The following SLCO1A2 variants were observed in gnomAD, a reference collection of about 807,000 sequenced individuals.
SLCO1A2 encodes OATP-1.
In SLCO1A2, 67 loss-of-function variants were observed where a neutral mutation model predicts 69.0. The ratio of observed to expected loss-of-function variants is 0.97; its 90% CI spans 0.80 to 1.19. The LOEUF (loss-of-function observed/expected upper bound fraction) is 1.19, where lower values mean the gene tolerates loss of function less well. Among genes scored for constraint, SLCO1A2 ranks in the 50% most tolerant of loss-of-function variants. SLCO1A2 has a pLI of 0.00. For missense variants in SLCO1A2, 787 were observed against 793.7 expected (o/e 0.99, Z 0.10); for synonymous variants, 260 against 265.9 (o/e 0.98, Z 0.22).
At chr12:21,329,027 C>T (rs914453763) in intron 2 of SLCO1A2, among the ~76,000 whole-genome samples, 1 of 152,132 alleles carries the variant, frequency 6.6e-6, no homozygotes, top group Non-Finnish European at 1.5e-5. Context: ...AGCAATTATC[C>T]AGTCAGTTAG....
chr12:21,357,991 G>A (rs1003167549), intron 2 of SLCO1A2, among the ~76,000 whole-genome samples: 1 of 152,120 alleles, frequency 6.6e-6, no homozygotes, highest in African/African-American at 2.4e-5. Flanking sequence ...CTCAGACTTT[G>A]GTGGGTGGGT....
chr12:21,281,813 C>T (rs551207469), intron 12 of SLCO1A2, among the ~76,000 whole-genome samples: 2 of 152,054 alleles, frequency 1.3e-5, no homozygotes, highest in Admixed American at 1.3e-4. Context: ...AACTATATGC[C>T]AATAACTTGG....
intron 2 of SLCO1A2, among the ~76,000 whole-genome samples, chr12:21,369,360 T>G (rs1321109314): frequency 6.6e-6 from 1 of 152,196 alleles, no homozygotes; most frequent in Non-Finnish European, 1.5e-5. Flanking sequence ...ATGATCTCAC[T>G]GACATCGTCT....
At chr12:21,303,510 T>C (rs1044489819) in intron 6 of SLCO1A2, among the ~76,000 whole-genome samples, 4 of 152,224 alleles carry the variant, frequency 2.6e-5, no homozygotes, top group Non-Finnish European at 4.4e-5. Context: ...CCATCTTCTC[T>C]CACCCTCTTT....
intron 1 of SLCO1A2, chr12:21,378,594 T>C: frequency 1.8e-6 from 1 of 558,300 alleles, no homozygotes; most frequent in South Asian, 2.7e-5. Flanking sequence ...CTAACTAAGG[T>C]CCCATAATAA....
intron 3 of SLCO1A2, among the ~76,000 whole-genome samples, chr12:21,317,350 C>G (rs551327722): frequency 6.6e-6 from 1 of 152,278 alleles, no homozygotes; most frequent in East Asian, 1.9e-4. Flanking sequence ...TTGCTTCTCA[C>G]ATAGGCTATT....
chr12:21,404,758 G>T (rs569981150), intron 1 of SLCO1A2, among the ~76,000 whole-genome samples: 27 of 152,154 alleles, frequency 1.8e-4, no homozygotes, highest in Non-Finnish European at 3.1e-4. Flanking sequence ...ACCCACTAAA[G>T]GGATTGCTGG....
At chr12:21,372,044 G>A (rs4762821) in intron 2 of SLCO1A2, among the ~76,000 whole-genome samples, 29,796 of 151,652 alleles carry the variant, frequency 0.2, 3,099 homozygotes, top group African/African-American at 0.27. Context: ...AGAAATACAA[G>A]AAAAAGAAAA....
chr12:21,397,019 A>G (rs574988227), upstream of SLCO1A2, among the ~76,000 whole-genome samples: 5 of 151,690 alleles, frequency 3.3e-5, no homozygotes, highest in East Asian at 5.8e-4. Context: ...TTCACACATA[A>G]CAATATTAAC....
At chr12:21,289,359 A>G (rs1017324794) in intron 12 of SLCO1A2, among the ~76,000 whole-genome samples, 29 of 152,072 alleles carry the variant, frequency 1.9e-4, no homozygotes, top group African/African-American at 6.8e-4. Context: ...TGTTTTGATC[A>G]CACCTGAGTC....
chr12:21,315,954 G>A (rs1244258880), intron 3 of SLCO1A2, among the ~76,000 whole-genome samples: 1 of 152,152 alleles, frequency 6.6e-6, no homozygotes, highest in African/African-American at 2.4e-5. Context: ...TATGGAGAAT[G>A]TTGCCTGTAA....
At chr12:21,375,055 C>T (rs1262981127) in intron 1 of SLCO1A2, among the ~76,000 whole-genome samples, 1 of 152,088 alleles carries the variant, frequency 6.6e-6, no homozygotes, top group Non-Finnish European at 1.5e-5. Flanking sequence ...TGGGCTCAAG[C>T]CTTCCTCCTG....
chr12:21,344,412 A>G (rs565463757), intron 2 of SLCO1A2, among the ~76,000 whole-genome samples: 32 of 152,184 alleles, frequency 2.1e-4, no homozygotes, highest in Middle Eastern at 6.8e-3. Flanking sequence ...GTTCTATTCT[A>G]GTTGCCAGAA....
chr12:21,292,687 C>G (rs1374787439), intron 11 of SLCO1A2, among the ~76,000 whole-genome samples: 1 of 152,012 alleles, frequency 6.6e-6, no homozygotes, highest in East Asian at 1.9e-4. Context: ...CCTCTGCCTC[C>G]CAGGTTCAAG....
intron 1 of SLCO1A2, among the ~76,000 whole-genome samples, chr12:21,400,883 G>C (rs1187208707): frequency 4.1e-5 from 4 of 98,030 alleles, no homozygotes; most frequent in East Asian, 4.3e-4. Flanking sequence ...GTTGTGGGGT[G>C]GGGGGAGGGG....
intron 1 of SLCO1A2, among the ~76,000 whole-genome samples, chr12:21,404,616 T>A (rs1372913364): frequency 6.6e-6 from 1 of 152,192 alleles, no homozygotes; most frequent in Non-Finnish European, 1.5e-5. Context: ...TATACCACAT[T>A]TTCTTTATCC....
chr12:21,400,966 A>T (rs1941680643), intron 1 of SLCO1A2, among the ~76,000 whole-genome samples: 1 of 151,108 alleles, frequency 6.6e-6, no homozygotes, highest in African/African-American at 2.4e-5. Flanking sequence ...AGCATGGCAC[A>T]TGTATACATA....
upstream of SLCO1A2, among the ~76,000 whole-genome samples, chr12:21,398,633 A>G (rs1262246912): frequency 1.3e-5 from 2 of 152,058 alleles, no homozygotes; most frequent in Non-Finnish European, 2.9e-5. Flanking sequence ...TCAATAAAAT[A>G]CTGGCAAAAC....
chr12:21,297,230 CTTCT>C (rs1020608652), intron 9 of SLCO1A2, among the ~76,000 whole-genome samples, 170 bp downstream of exon 9: 59 of 122,392 alleles, frequency 4.8e-4, no homozygotes, highest in East Asian at 4.1e-3. Flanking sequence ...TCTTTCCTTC[CTTCT>C]TTCTTTCTTT....
Sources: gnomAD v4.1 joint callset for allele counts (sites outside exome capture counted in the v4.1 genomes callset) on GRCh38, gnomAD v4.1.1 for gene constraint, MANE v1.5 for transcripts, NCBI Gene and HGNC (gene_info 2026-07-23, HGNC 2026-07-21) for gene names.